The following ITGAE variants were observed in gnomAD, a reference collection of about 807,000 sequenced individuals.
ITGAE encodes integrin subunit alpha E.
ITGAE carries 99 observed loss-of-function variants against 136.5 expected under a neutral mutation model. The observed-to-expected ratio is 0.73, with a 90% CI of 0.62 to 0.86. The LOEUF (loss-of-function observed/expected upper bound fraction) is 0.86, where lower values mean the gene tolerates loss of function less well. Among genes scored for constraint, ITGAE ranks in the 40% least tolerant of loss-of-function variants. The probability of loss-of-function intolerance (pLI) is 0.00; values close to 1 mark genes in which losing one functional copy is unlikely to be tolerated. For synonymous variants in ITGAE, 613 were observed against 591.8 expected (o/e 1.04, Z -0.52); for missense variants, 1,447 against 1,515.3 (o/e 0.95, Z 0.75).
At chr17:3,790,421 C>T (rs1236978075) in intron 1 of ITGAE, among the ~76,000 whole-genome samples, 1 of 151,786 alleles carries the variant, frequency 6.6e-6, no homozygotes, top group Non-Finnish European at 1.5e-5. Flanking sequence ...GCAGGAGACT[C>T]GCTTGAACCT....
At chr17:3,797,307 A>C (rs1469501825) in intron 1 of ITGAE, among the ~76,000 whole-genome samples, 1 of 150,366 alleles carries the variant, frequency 6.7e-6, no homozygotes, top group Non-Finnish European at 1.5e-5. Context: ...CTGGGACTAC[A>C]GGCACCCGCC....
Position 3,759,760 on chromosome 17 carries a change from C to T in ITGAE, c.715-207G>A, listed in dbSNP as rs533987410. On this transcript the variant is annotated intron_variant, in intron 7 of 30. Transcript: ENST00000263087. ...GCCCCCAGTGAATCACAGACTTCTC[C>T]CCAGCTCCCTGTGTAGTGCCCTCCA... 1.8e-3 allele frequency among the ~76,000 whole-genome samples: 272 copies of T among 152,324 alleles called. 2 individuals are homozygous for T. The highest frequency in any genetic ancestry group is 6.4e-3 in the African/African-American group (265 of 41,572).
At chr17:3,729,218 C>T in intron 24 of ITGAE, 1 of 428,496 alleles carries the variant, frequency 2.3e-6, no homozygotes, top group South Asian at 2.9e-5. Flanking sequence ...TGCCTTCTTC[C>T]CTCCACAGCG....
intron 1 of ITGAE, among the ~76,000 whole-genome samples, chr17:3,784,557 C>T (rs193010741): frequency 8.6e-4 from 130 of 151,792 alleles, no homozygotes; most frequent in African/African-American, 2.9e-3. Context: ...ACCATGCCCG[C>T]CTAATTTTTG....
Position 3,714,882 on chromosome 17 carries a change from G to C in ITGAE, c.3505C>G (p.Leu1169Val), listed in dbSNP as rs2050913441. The change falls in exon 31 of 31, where the codon CTG becomes GTG. Residue 1169 changes from leucine to valine, a missense_variant. Transcript: ENST00000263087. ...LNLESIRKAQLKSENLLEEEN is the reference protein window; with the variant it reads ...LNLESIRKAQVKSENLLEEEN ...TCTTCGAGCAGATTCTCTGATTTCA[G>C]CTGGGCCTTCCTGATGCTCTCCAAG... 1.9e-6 allele frequency: 3 copies of C among 1,611,024 alleles called. No homozygotes were observed.
Position 3,800,837 on chromosome 17 carries a change from G to C in ITGAE, c.34+274C>G, listed in dbSNP as rs182361201. On this transcript the variant is annotated intron_variant, in intron 1 of 30. Coordinates refer to ENST00000263087, the MANE Select transcript of ITGAE (RefSeq NM_002208.5). Reference sequence around the variant, plus strand: ...GGGGAGAGGGCCTCGGTGGCGGGGGGAGGCTGGCTGGAGGAGGAACAGAAT... The same window carrying C: ...GGGGAGAGGGCCTCGGTGGCGGGGGCAGGCTGGCTGGAGGAGGAACAGAAT... Among the ~76,000 whole-genome samples, 886 of 152,296 alleles carry C rather than the reference G, an allele frequency of 5.8e-3. 7 individuals carry two copies. Among genetic ancestry groups the C allele is most frequent in the African/African-American group, 0.02 (844 of 41,556 alleles).
At chr17:3,769,048 C>G (rs2143203602) in intron 2 of ITGAE, among the ~76,000 whole-genome samples, 2 of 152,292 alleles carry the variant, frequency 1.3e-5, no homozygotes, top group East Asian at 3.9e-4. Flanking sequence ...CCTCTCTCCC[C>G]AGCCCCGACC....
At position 3,777,644 on chromosome 17, in the gene ITGAE, G is replaced by C. The variant is rs746883881; in HGVS notation, c.51C>G (p.Ala17=). ...GCCGGGCCACATCCACATTGAAAGC[G>C]GCCAGCAGGGCCAGGCCTGTAGGGA... ...LLCIASLALL[A]AFNVDVARPW... The change falls in exon 2 of 31, where the codon GCC becomes GCG. Residue 17 remains alanine, a synonymous_variant. Coordinates refer to ENST00000263087, the MANE Select transcript of ITGAE (RefSeq NM_002208.5). The C allele has an allele frequency of 1.2e-6, 2 of 1,613,118 alleles. No individual in the cohort carries two copies. The highest frequency in any genetic ancestry group is 3.3e-5 in the Admixed American group (2 of 59,768).
rs373251600 is a variant in ITGAE at position 3,772,913 on chromosome 17, G to C, written c.155+4627C>G. On this transcript the variant is annotated intron_variant, in intron 2 of 30. Coordinates refer to ENST00000263087, the MANE Select transcript of ITGAE (RefSeq NM_002208.5). ...GTGGGTGGGGTTTTCCCTCCACACG[G>C]GGCAAGCAGTCCTTCGGCAACCAGC... Among the ~76,000 whole-genome samples the C allele has an allele frequency of 5.8e-4, 88 of 152,238 alleles. 2 individuals carry two copies. The South Asian group carries it at 0.014, about 24-fold the overall frequency.
At chr17:3,763,113 G>C (rs1187306997) in intron 3 of ITGAE, among the ~76,000 whole-genome samples, 1 of 152,038 alleles carries the variant, frequency 6.6e-6, no homozygotes, top group African/African-American at 2.4e-5. Context: ...GGCTGGTCTC[G>C]AACTCTGGAC....
chr17:3,784,004 T>C (rs1401416048), intron 1 of ITGAE, among the ~76,000 whole-genome samples: 1 of 152,230 alleles, frequency 6.6e-6, no homozygotes, highest in Non-Finnish European at 1.5e-5. Context: ...CTCACGCCTG[T>C]AATCCCAGCA....
chr17:3,785,944 G>T (rs901626789), intron 1 of ITGAE, among the ~76,000 whole-genome samples: 4 of 152,050 alleles, frequency 2.6e-5, no homozygotes, highest in African/African-American at 9.7e-5. Context: ...GAGGCGGGCG[G>T]ATCACGAGGC....
intron 2 of ITGAE, among the ~76,000 whole-genome samples, chr17:3,768,127 A>G (rs1343692830): frequency 1.3e-5 from 2 of 151,432 alleles, no homozygotes; most frequent in Non-Finnish European, 2.9e-5. Flanking sequence ...TAATTTACTC[A>G]TGTAATTTTT....
chr17:3,774,868 T>C (rs2052504067), intron 2 of ITGAE, among the ~76,000 whole-genome samples: 1 of 152,074 alleles, frequency 6.6e-6, no homozygotes, highest in South Asian at 2.1e-4. Flanking sequence ...CCAGAGCTTC[T>C]CCTAACTGCA....
chr17:3,734,789 C>T, intron 21 of ITGAE, 28 bp downstream of exon 21: 3 of 1,613,356 alleles, frequency 1.9e-6, no homozygotes, highest in Non-Finnish European at 2.5e-6. Context: ...CGTGAGGGAC[C>T]TGTTTCCACA....
At chr17:3,780,077 G>A (rs944305793) in intron 1 of ITGAE, among the ~76,000 whole-genome samples, 1 of 151,804 alleles carries the variant, frequency 6.6e-6, no homozygotes, top group Non-Finnish European at 1.5e-5. Flanking sequence ...AGGTTCAAGC[G>A]ATTCTCCTGC....
At chr17:3,762,467 C>T (rs934033538) in intron 3 of ITGAE, among the ~76,000 whole-genome samples, 3 of 152,056 alleles carry the variant, frequency 2.0e-5, no homozygotes, top group Admixed American at 6.6e-5. Context: ...AATGGTAGCT[C>T]CTTCCTCGTC....
intron 10 of ITGAE, 105 bp downstream of exon 10, chr17:3,756,879 G>A (rs2052038539): frequency 8.2e-7 from 1 of 1,224,572 alleles, no homozygotes; most frequent in Admixed American, 2.3e-5. Context: ...GAGGTTCAGG[G>A]AGATGATGGG....
rs148305090 is a variant in ITGAE at position 3,757,072 on chromosome 17, C to T, written c.1083G>A (p.Pro361=). The T allele has an allele frequency of 3.3e-4, 530 of 1,614,166 alleles. No homozygotes were observed. The highest frequency in any genetic ancestry group is 6.5e-4 in the African/African-American group (49 of 75,038). The part of the protein sequence containing the change: ...ARELNLIASD[P]DETHAFKVTN... Reference sequence around the variant, plus strand: ...TCACCTTGAAAGCATGGGTCTCATCCGGGTCTGAGGCGATCAGGTTCAGTT... The same window carrying T: ...TCACCTTGAAAGCATGGGTCTCATCTGGGTCTGAGGCGATCAGGTTCAGTT... The change falls in exon 10 of 31, where the codon CCG becomes CCA. Residue 361 remains proline, a synonymous_variant. Transcript: ENST00000263087.
Sources: allele counts gnomAD v4.1 joint callset (sites outside exome capture counted in the v4.1 genomes callset), GRCh38; gene constraint gnomAD v4.1.1; transcripts MANE v1.5; gene names NCBI Gene and HGNC (gene_info 2026-07-23, HGNC 2026-07-21).